The following EPHA5 variants were observed in gnomAD, a reference collection of about 807,000 sequenced individuals.
The protein encoded by EPHA5 is ephrin type-A receptor 5.
In EPHA5, 60 loss-of-function variants were observed where a neutral mutation model predicts 105.0. The observed-to-expected ratio is 0.57, with a 90% CI of 0.46 to 0.71. The LOEUF (loss-of-function observed/expected upper bound fraction) is 0.71. Ranked by LOEUF, EPHA5 falls within the 30% of genes least tolerant of loss-of-function variation. The pLI is 0.00. For missense variants in EPHA5, 1,218 were observed against 1,274.7 expected (o/e 0.96, Z 0.68); for synonymous variants, 513 against 449.1 (o/e 1.14, Z -1.80).
intron 3 of EPHA5, among the ~76,000 whole-genome samples, chr4:65,581,704 C>T (rs560689662): frequency 2.0e-5 from 3 of 151,818 alleles, no homozygotes; most frequent in Non-Finnish European, 3.0e-5. Flanking sequence ...CTTCAGCGCA[C>T]TTTACTTCCT....
chr4:65,514,134 G>A (rs1191049184), intron 3 of EPHA5, among the ~76,000 whole-genome samples: 1 of 152,090 alleles, frequency 6.6e-6, no homozygotes, highest in Non-Finnish European at 1.5e-5. Context: ...ATGGGGTTCT[G>A]CATAGGATAG....
chr4:65,403,434 G>T (rs1388360590), intron 8 of EPHA5, among the ~76,000 whole-genome samples: 2 of 151,394 alleles, frequency 1.3e-5, no homozygotes, highest in Non-Finnish European at 2.9e-5. Flanking sequence ...TTTCCATGAA[G>T]ACTTTCATTA....
chr4:65,440,729 C>A (rs1725935483), intron 5 of EPHA5, among the ~76,000 whole-genome samples: 1 of 152,038 alleles, frequency 6.6e-6, no homozygotes, highest in South Asian at 2.1e-4. Context: ...GGAGCGATAC[C>A]ACCTTGAGGA....
chr4:65,553,320 G>A (rs1167076939), intron 3 of EPHA5, among the ~76,000 whole-genome samples: 1 of 152,034 alleles, frequency 6.6e-6, no homozygotes, highest in Non-Finnish European at 1.5e-5. Context: ...ACCCTGGAAG[G>A]TTGATTTAAA....
chr4:65,613,409 A>C (rs1028919506), intron 2 of EPHA5, among the ~76,000 whole-genome samples: 3 of 152,012 alleles, frequency 2.0e-5, no homozygotes, highest in Admixed American at 6.6e-5. Flanking sequence ...ATTCTGTGAA[A>C]AATAGTGTTG....
intron 11 of EPHA5, among the ~76,000 whole-genome samples, chr4:65,355,655 A>G (rs1302063463): frequency 3.3e-5 from 5 of 151,602 alleles, no homozygotes; most frequent in African/African-American, 1.2e-4. Flanking sequence ...GTCAGAATTT[A>G]TACCAGCGAT....
At chr4:65,586,125 G>A (rs1037086790) in intron 3 of EPHA5, among the ~76,000 whole-genome samples, 51 of 151,554 alleles carry the variant, frequency 3.4e-4, no homozygotes, top group African/African-American at 1.2e-3. Flanking sequence ...TAATATATAA[G>A]TAATGAGAAA....
At chr4:65,524,101 T>C (rs977110965) in intron 3 of EPHA5, among the ~76,000 whole-genome samples, 2 of 151,654 alleles carry the variant, frequency 1.3e-5, no homozygotes, top group Non-Finnish European at 2.9e-5. Flanking sequence ...ATATTTTTTC[T>C]TTTACTATAT....
chr4:65,643,310 C>A, intron 2 of EPHA5, 53 bp downstream of exon 2: 1 of 1,366,770 alleles, frequency 7.3e-7, no homozygotes. Flanking sequence ...TTACAAGTAT[C>A]AAGATGCTTA....
intron 5 of EPHA5, among the ~76,000 whole-genome samples, chr4:65,437,723 A>G (rs76138348): frequency 0.017 from 2,633 of 152,048 alleles, 68 homozygotes; most frequent in African/African-American, 0.06. Flanking sequence ...AAAATGTAGT[A>G]AAAATCAAGA....
chr4:65,540,512 C>A (rs1048024434), intron 3 of EPHA5, among the ~76,000 whole-genome samples: 1 of 150,880 alleles, frequency 6.6e-6, no homozygotes, highest in Non-Finnish European at 1.5e-5. Context: ...ATAGTAAATG[C>A]CCCAAAAAAG....
At chr4:65,495,712 A>T (rs1226845326) in intron 3 of EPHA5, among the ~76,000 whole-genome samples, 169 bp from the exon 4 acceptor site, 1 of 152,212 alleles carries the variant, frequency 6.6e-6, no homozygotes, top group African/African-American at 2.4e-5. Context: ...CAGGCTATTC[A>T]TTCAAATAAT....
chr4:65,395,124 AG>A (rs1455522382), intron 8 of EPHA5, among the ~76,000 whole-genome samples: 9 of 152,210 alleles, frequency 5.9e-5, no homozygotes, highest in African/African-American at 2.2e-4. Context: ...GACTAACATA[AG>A]AACTGTGCCA....
At chr4:65,504,087 TTAG>T (rs1732764585) in intron 3 of EPHA5, among the ~76,000 whole-genome samples, 1 of 151,532 alleles carries the variant, frequency 6.6e-6, no homozygotes, top group African/African-American at 2.4e-5. Flanking sequence ...TAGAAATTGA[TTAG>T]GATTATCAAT....
intron 1 of EPHA5, among the ~76,000 whole-genome samples, chr4:65,663,501 A>G (rs1749715327): frequency 1.3e-5 from 2 of 152,082 alleles, no homozygotes; most frequent in Non-Finnish European, 2.9e-5. Flanking sequence ...ACCTTCAATT[A>G]CTACAAATTT....
At chr4:65,570,632 A>C (rs1481203439) in intron 3 of EPHA5, among the ~76,000 whole-genome samples, 2 of 151,948 alleles carry the variant, frequency 1.3e-5, no homozygotes, top group Non-Finnish European at 2.9e-5. Flanking sequence ...AAGAGCAGTG[A>C]AAGTAGAGAG....
At chr4:65,425,915 A>G (rs1165108598) in intron 5 of EPHA5, among the ~76,000 whole-genome samples, 2 of 152,164 alleles carry the variant, frequency 1.3e-5, no homozygotes, top group Non-Finnish European at 2.9e-5. Context: ...TAAAATTAGA[A>G]AAATCTTATG....
At chr4:65,405,780 C>T (rs906388617) in intron 7 of EPHA5, among the ~76,000 whole-genome samples, 3 of 152,070 alleles carry the variant, frequency 2.0e-5, no homozygotes, top group Non-Finnish European at 4.4e-5. Context: ...TAGTTATTGG[C>T]TACAGTATAA....
intron 2 of EPHA5, among the ~76,000 whole-genome samples, chr4:65,611,684 G>A (rs1744774183): frequency 6.6e-6 from 1 of 151,908 alleles, no homozygotes; most frequent in Admixed American, 6.6e-5. Flanking sequence ...TGCTTCTGAT[G>A]CAAGATTTGA....
Sources: gnomAD v4.1 joint callset for allele counts (sites outside exome capture counted in the v4.1 genomes callset) on GRCh38, gnomAD v4.1.1 for gene constraint, MANE v1.5 for transcripts, NCBI Gene and HGNC (gene_info 2026-07-23, HGNC 2026-07-21) for gene names.